SPTA1: variants seen among roughly 807,000 people sequenced by gnomAD.
The protein encoded by SPTA1 is spectrin alpha chain, erythrocytic 1.
SPTA1 carries 177 observed loss-of-function variants against 324.7 expected under a neutral mutation model. The ratio of observed to expected loss-of-function variants is 0.55; its 90% CI spans 0.48 to 0.62. The LOEUF (loss-of-function observed/expected upper bound fraction) is 0.62, where lower values mean the gene tolerates loss of function less well. Ranked by LOEUF, SPTA1 falls within the 20% of genes least tolerant of loss-of-function variation. The pLI is 0.00. For missense variants in SPTA1, 3,162 were observed against 2,883.6 expected, an observed-to-expected ratio of 1.10 and a Z score of -2.21; for synonymous variants, 1,195 against 1,041.3, an observed-to-expected ratio of 1.15 and a Z score of -2.84.
At chr1:158,642,726 A>C (rs1198883324) in intron 32 of SPTA1, 88 bp downstream of exon 32, 38 of 1,605,950 alleles carry the variant, frequency 2.4e-5, no homozygotes, top group Non-Finnish European at 3.0e-5. Context: ...CTCAACAGTC[A>C]GAAAGTGTTA....
In SPTA1 at chr1:158,619,475, T is replaced by A. The variant is rs1410632560; in HGVS notation, c.6418-141A>T. 6.1e-6 allele frequency: 5 copies of A among 817,636 alleles called. No homozygotes were observed. In the African/African-American group the frequency reaches 8.4e-5, roughly 14 times the overall value. The allele number at this position is 817,636 out of a possible 1,614,324, so 50.6% of individuals were successfully genotyped here. ...CCACAGGTATGTGCCTGTGTGCTCA[T>A]ATTTCATGCAGTCAACCTCTCTCAC... On this transcript the variant is annotated intron_variant, in intron 44 of 51. Coordinates refer to ENST00000643759, the MANE Select transcript of SPTA1 (RefSeq NM_003126.4).
chr1:158,613,668 C>G (rs1376096791), intron 50 of SPTA1, 53 bp downstream of exon 50: 1 of 1,610,946 alleles, frequency 6.2e-7, no homozygotes, highest in African/African-American at 1.3e-5. Flanking sequence ...CTCTGTGCTT[C>G]TCCCTCCAAA....
chr1:158,686,602 C>G lies in SPTA1; in HGVS notation c.-85G>C, dbSNP rs1190713151. On this transcript the variant is annotated 5_prime_UTR_variant, in exon 1 of 52. Transcript: ENST00000643759. ...AATAATTCAAATGGAACTGTCCAGT[C>G]GAATTCAAATAGAAATATAGAAACG... is the stretch of plus-strand genomic sequence containing the variant. 1.9e-6 allele frequency: 2 copies of G among 1,078,260 alleles called. No individual in the cohort carries two copies. The highest frequency in any genetic ancestry group is 2.9e-6 in the Non-Finnish European group (2 of 701,306). 66.8% of individuals were successfully genotyped at this position (1,078,260 alleles called of 1,614,324 possible). A position where few individuals can be genotyped will look rare whatever the true frequency, so the allele number is the denominator to read the frequency against.
chr1:158,618,054 G>T lies in SPTA1; in HGVS notation c.6533C>A (p.Ala2178Asp). The T allele has an allele frequency of 1.9e-6, 3 of 1,611,664 alleles. No individual in the cohort carries two copies. Among genetic ancestry groups the T allele is most frequent in the Non-Finnish European group, 2.5e-6 (3 of 1,177,714 alleles). Residue 2178 changes from alanine (A) to aspartate (D), a missense_variant and splice_region_variant, in exon 46 of 52, where the codon GCT becomes GAT. Physicochemically the swap from Ala to Asp is moderately radical, Grantham distance 126. Transcript: ENST00000643759. ...TFLQWILETR[A>D]YFLDGSLLKE... ...AAATACTGACCCATCCAGAAAGTAA[G>T]CCCTGGACATGGAGGTCCGGAACAG... is the stretch of plus-strand genomic sequence containing the variant.
At position 158,668,004 on chromosome 1, in the gene SPTA1, G is replaced by A; in HGVS notation, c.1892C>T (p.Ala631Val). 1 of 1,612,342 alleles carries A rather than the reference G, an allele frequency of 6.2e-7. No individual in the cohort carries two copies. Among genetic ancestry groups the A allele is most frequent in the Non-Finnish European group, 8.5e-7 (1 of 1,179,768 alleles). Residue 631 changes from alanine to valine, a missense_variant, in exon 15 of 52, where the codon GCA becomes GTA. Physicochemically the swap from Ala to Val is moderately conservative, Grantham distance 64. Transcript: ENST00000643759. ...GTTTTCCAGCTGGGTCTTATTAACT[G>A]CCAACTCCTTTTCAAAGACTTGCTG... ...QKQQVFEKELAVNKTQLENIQ... is the reference protein window; with the variant it reads ...QKQQVFEKELVVNKTQLENIQ...
intron 33 of SPTA1, among the ~76,000 whole-genome samples, chr1:158,641,604 A>G (rs914675535): frequency 6.6e-6 from 1 of 152,242 alleles, no homozygotes; most frequent in African/African-American, 2.4e-5. Flanking sequence ...TCAAAACCAC[A>G]ATGAGATACC....
intron 24 of SPTA1, 149 bp from the exon 25 acceptor site, chr1:158,650,096 T>C: frequency 1.5e-6 from 1 of 686,748 alleles, no homozygotes; most frequent in Non-Finnish European, 2.6e-6. Context: ...TTGGACAGCT[T>C]GAGCTTGGGC....
rs1444152651 is a variant in SPTA1 at position 158,662,808 on chromosome 1, C to T, written c.2358G>A (p.Lys786=). The T allele has an allele frequency of 6.2e-7, 1 of 1,614,068 alleles. No homozygotes were observed. ...EALKEPLATR[K]KKLLDLLHLQ... is the part of the protein sequence containing the mutation. Reference sequence around the variant, plus strand: ...GATGGAGAAGGTCTAAGAGCTTCTTCTTTCGGGTGGCCAGTGGCTCTTTCA... The same window carrying T: ...GATGGAGAAGGTCTAAGAGCTTCTTTTTTCGGGTGGCCAGTGGCTCTTTCA... The change falls in exon 17 of 52, where the codon AAG becomes AAA. Residue 786 remains lysine (K), a synonymous_variant. Transcript: ENST00000643759.
intron 46 of SPTA1, 114 bp downstream of exon 46, chr1:158,617,925 T>A: frequency 9.6e-7 from 1 of 1,041,474 alleles, no homozygotes; most frequent in Non-Finnish European, 1.5e-6. Context: ...ACATTTTTAT[T>A]TACATACTAC....
intron 14 of SPTA1, among the ~76,000 whole-genome samples, chr1:158,668,963 T>G (rs1653805853): frequency 1.3e-5 from 2 of 152,158 alleles, no homozygotes; most frequent in African/African-American, 2.4e-5. Context: ...GCTATAAAAT[T>G]TTATAAGTTT....
In SPTA1 at chr1:158,683,383, G is replaced by A. The variant is rs774042837; in HGVS notation, c.378C>T (p.His126=). Reference sequence around the variant, plus strand: ...CCCATACATATACCTTCGTTTCTTCGTGGGCAGAATGACCCATGGTAAATC... The same window carrying A: ...CCCATACATATACCTTCGTTTCTTCATGGGCAGAATGACCCATGGTAAATC... ...EERFTMGHSA[H]EETKAHIEEL... Residue 126 remains histidine, a synonymous_variant, in exon 3 of 52, where the codon CAC becomes CAT. Transcript: ENST00000643759. The A allele has an allele frequency of 1.4e-5, 23 of 1,613,218 alleles. No homozygotes were observed. Among genetic ancestry groups the A allele is most frequent in the Middle Eastern group, 3.3e-4 (2 of 6,054 alleles).
Position 158,648,653 on chromosome 1 carries a change from T to C in SPTA1, c.3570A>G (p.Arg1190=), listed in dbSNP as rs748699014. ...GSAHAVEVFH[R]EADDTKEQIE... is the part of the protein sequence containing the mutation. ...TCTGCTCCTTCGTGTCATCTGCTTC[T>C]CTGGTATACAAGAGAGTAGAGAGTT... The change falls in exon 26 of 52, where the codon AGA becomes AGG. Residue 1190 remains arginine, a splice_region_variant and synonymous_variant. Coordinates refer to ENST00000643759, the MANE Select transcript of SPTA1 (RefSeq NM_003126.4). 1 of 1,613,638 alleles carries C rather than the reference T, an allele frequency of 6.2e-7. No homozygotes were observed. Among genetic ancestry groups the C allele is most frequent in the South Asian group, 1.1e-5 (1 of 91,064 alleles).
intron 47 of SPTA1, among the ~76,000 whole-genome samples, chr1:158,617,142 A>G (rs1649607684): frequency 1.3e-5 from 2 of 152,310 alleles, no homozygotes; most frequent in South Asian, 4.1e-4. Context: ...ACGTCATATA[A>G]TAACAGAAAT....
In SPTA1 at chr1:158,680,586, G is replaced by T. The variant is rs770013846; in HGVS notation, c.675C>A (p.Ala225=). 2.5e-6 allele frequency: 4 copies of T among 1,613,628 alleles called. No individual in the cohort carries two copies. Among genetic ancestry groups the T allele is most frequent in the Non-Finnish European group, 3.4e-6 (4 of 1,179,790 alleles). The change falls in exon 5 of 52, where the codon GCC becomes GCA. Residue 225 remains alanine, a synonymous_variant. Coordinates refer to ENST00000643759, the MANE Select transcript of SPTA1 (RefSeq NM_003126.4). ...VEVNQYANEC[A]EENHPDLPLI... ...GAATATTTTGCTCCCACCTCACCTCGGCACACTCATTGGCATATTGGTTCA... is the reference window on the plus strand; with the variant it reads ...GAATATTTTGCTCCCACCTCACCTCTGCACACTCATTGGCATATTGGTTCA...
chr1:158,623,254 G>T, intron 42 of SPTA1, 62 bp from the exon 43 acceptor site: 1 of 1,383,812 alleles, frequency 7.2e-7, no homozygotes, highest in Non-Finnish European at 1.0e-6. Context: ...TTCACATCTG[G>T]GTTCCACCAG....
At position 158,657,528 on chromosome 1, in the gene SPTA1, C is replaced by T. The variant is rs1246150565; in HGVS notation, c.2754G>A (p.Lys918=). ...AGTTAGTATTATCTACAATAGGTTC[C>T]TTCTCTCTGATCCATGTTTCTGCTT... The part of the protein sequence containing the change: ...LHEAETWIRE[K]EPIVDNTNYG... Residue 918 remains lysine, a synonymous_variant, in exon 19 of 52, where the codon AAG becomes AAA. Transcript: ENST00000643759. 6.2e-7 allele frequency: 1 copy of T among 1,613,572 alleles called. No homozygotes were observed. The highest frequency in any genetic ancestry group is 8.5e-7 in the Non-Finnish European group (1 of 1,179,726).
chr1:158,681,472 T>C, intron 4 of SPTA1, 55 bp downstream of exon 4: 1 of 1,612,604 alleles, frequency 6.2e-7, no homozygotes, highest in Non-Finnish European at 8.5e-7. Context: ...TGCTATGGGG[T>C]ACCTGGGACA....
chr1:158,636,878 T>G (rs1411453126), intron 36 of SPTA1, 117 bp from the exon 37 acceptor site: 96 of 1,573,358 alleles, frequency 6.1e-5, no homozygotes, highest in Non-Finnish European at 8.0e-5. Context: ...TTGTAAATTC[T>G]GTAATACCCT....
chr1:158,646,791 A>T (rs989581592), intron 27 of SPTA1, among the ~76,000 whole-genome samples: 2 of 152,146 alleles, frequency 1.3e-5, no homozygotes, highest in African/African-American at 2.4e-5. Flanking sequence ...CTTGAAAAGC[A>T]TTGCATTGAG....
Sources: gnomAD v4.1 joint callset for allele counts (sites outside exome capture counted in the v4.1 genomes callset) on GRCh38, gnomAD v4.1.1 for gene constraint, MANE v1.5 for transcripts, NCBI Gene and HGNC (gene_info 2026-07-23, HGNC 2026-07-21) for gene names.